MAP3K9: variants seen among roughly 807,000 people sequenced by gnomAD.
MAP3K9 encodes the protein mitogen-activated protein kinase kinase kinase 9.
MAP3K9 carries 46 observed loss-of-function variants against 95.8 expected under a neutral mutation model. That is an observed-to-expected ratio of 0.48 (90% CI 0.38 to 0.61). MAP3K9 has a LOEUF of 0.61. Ranked by LOEUF, MAP3K9 falls within the 20% of genes least tolerant of loss-of-function variation. The pLI, the probability that MAP3K9 is intolerant of heterozygous loss-of-function variation, is 0.00. For synonymous variants in MAP3K9, 533 were observed against 593.8 expected, an observed-to-expected ratio of 0.90 and a Z score of 1.49; for missense variants, 1,296 against 1,474.3, an observed-to-expected ratio of 0.88 and a Z score of 1.98.
intron 1 of MAP3K9, among the ~76,000 whole-genome samples, chr14:70,806,212 G>C (rs1443655751): frequency 6.6e-6 from 1 of 152,144 alleles, no homozygotes. Flanking sequence ...AGAGCACATA[G>C]ACTTCAATGA....
chr14:70,753,518 A>T (rs2054258375), intron 3 of MAP3K9, among the ~76,000 whole-genome samples: 1 of 152,202 alleles, frequency 6.6e-6, no homozygotes, highest in Non-Finnish European at 1.5e-5. Flanking sequence ...AGCTCAGGGA[A>T]AGGCGGGCAG....
chr14:70,748,414 T>C (rs1022170829), intron 5 of MAP3K9, among the ~76,000 whole-genome samples: 2 of 152,198 alleles, frequency 1.3e-5, no homozygotes, highest in Admixed American at 6.5e-5. Context: ...TTCAGACCCA[T>C]GTTATTTTTT....
chr14:70,809,087 C>G lies in MAP3K9; in HGVS notation c.85G>C (p.Ala29Pro). The G allele has an allele frequency of 7.0e-7, 1 of 1,426,536 alleles. No individual in the cohort carries two copies. The highest frequency in any genetic ancestry group is 2.8e-5 in the East Asian group (1 of 35,336). The allele number at this position is 1,426,536 out of a possible 1,614,324, so 88.4% of individuals were successfully genotyped here. A position where few individuals can be genotyped will look rare whatever the true frequency, so the allele number is the denominator to read the frequency against. Residue 29 changes from alanine to proline, a missense_variant, in exon 1 of 12, where the codon GCC becomes CCC. Ala to Pro is a conservative substitution (Grantham distance 27). Coordinates refer to ENST00000554752, the MANE Select transcript of MAP3K9 (RefSeq NM_001284230.2). ...TCCTCCTCCTCCTCCTCCTCCTCGG[C>G]CCCGGCCCCTGCTCCATCCTCCCCC... ...PPGEDGAGAG[A>P]EEEEEEEEEA...
At chr14:70,766,566 A>G (rs1297191350) in intron 2 of MAP3K9, among the ~76,000 whole-genome samples, 2 of 152,210 alleles carry the variant, frequency 1.3e-5, no homozygotes, top group African/African-American at 4.8e-5. Context: ...GTCACTTACT[A>G]CGTAGCAGCA....
intron 3 of MAP3K9, among the ~76,000 whole-genome samples, chr14:70,754,748 G>C (rs1177751571): frequency 6.6e-6 from 1 of 152,098 alleles, no homozygotes; most frequent in Non-Finnish European, 1.5e-5. Context: ...TGAGATTACA[G>C]GTGTAAGCCA....
intron 2 of MAP3K9, 24 bp downstream of exon 2, chr14:70,800,643 C>A: frequency 6.2e-7 from 1 of 1,602,888 alleles, no homozygotes. Flanking sequence ...CTGAGCCCCT[C>A]CAGCCCCATC....
rs1375323483 is a variant in MAP3K9 at position 70,725,841 on chromosome 14, C to A, written c.*4539G>T. ...ACCGTACGTATATTTCACACACACA[C>A]ACACACACACTTTTCTGCACCAAGG... is the stretch of plus-strand genomic sequence containing the variant. On this transcript the variant is annotated 3_prime_UTR_variant, in exon 12 of 12. Transcript: ENST00000554752. 6.6e-6 allele frequency: 1 copy of A among 152,080 alleles called. No homozygotes were observed. Among genetic ancestry groups the A allele is most frequent in the Non-Finnish European group, 1.5e-5 (1 of 68,066 alleles). The allele number at this position is 152,080 out of a possible 1,614,324, so 9.4% of individuals were successfully genotyped here. A position where few individuals can be genotyped will look rare whatever the true frequency, so the allele number is the denominator to read the frequency against.
chr14:70,745,662 C>G (rs971551487), intron 5 of MAP3K9, among the ~76,000 whole-genome samples: 1 of 151,558 alleles, frequency 6.6e-6, no homozygotes, highest in Non-Finnish European at 1.5e-5. Flanking sequence ...TGCTTGAACC[C>G]GGGAGGTGGA....
At chr14:70,734,094 G>A (rs2053951116) in intron 10 of MAP3K9, among the ~76,000 whole-genome samples, 4 of 152,246 alleles carry the variant, frequency 2.6e-5, no homozygotes. Flanking sequence ...CCAGCTTGCA[G>A]ACGGCCTGTC....
At chr14:70,794,099 G>C (rs2054835791) in intron 2 of MAP3K9, among the ~76,000 whole-genome samples, 1 of 152,218 alleles carries the variant, frequency 6.6e-6, no homozygotes, top group African/African-American at 2.4e-5. Flanking sequence ...GGAAGGGTTG[G>C]ACAGGCAGAG....
In MAP3K9 at chr14:70,750,074, C is replaced by G. The variant is rs754875078; in HGVS notation, c.1009G>C (p.Val337Leu). 1 of 1,614,036 alleles carries G rather than the reference C, an allele frequency of 6.2e-7. No homozygotes were observed. The highest frequency in any genetic ancestry group is 1.3e-5 in the African/African-American group (1 of 74,910). ...CCAGTCAGCAACTCCCAAAGTAGCA[C>G]CCCATAGCTAAGGAGAGGAAGAAGA... ...SKGSDVWSYG[V>L]LLWELLTGEV... Residue 337 changes from valine to leucine, a missense_variant, in exon 4 of 12, where the codon GTG becomes CTG. Val to Leu is a conservative substitution (Grantham distance 32). Around this residue, in one of 5 missense-constraint regions of MAP3K9, gnomAD observed 136 missense variants for 221.5 expected, o/e 0.61. Transcript: ENST00000554752.
intron 3 of MAP3K9, among the ~76,000 whole-genome samples, chr14:70,757,161 A>C (rs939580137): frequency 1.3e-5 from 2 of 152,178 alleles, no homozygotes; most frequent in Non-Finnish European, 2.9e-5. Flanking sequence ...CATGATCATG[A>C]ATTGGAAGAC....
chr14:70,809,106 C>G lies in MAP3K9; in HGVS notation c.66G>C (p.Glu22Asp). Residue 22 changes from glutamate to aspartate, a missense_variant, in exon 1 of 12, where the codon GAG becomes GAC. Glu to Asp is a conservative substitution (Grantham distance 45, BLOSUM62 2). Transcript: ENST00000554752. ...CCTCGGCCCCGGCCCCTGCTCCATCCTCCCCCGGCGGGGCGGCAGCGGCGG... is the reference window on the plus strand; with the variant it reads ...CCTCGGCCCCGGCCCCTGCTCCATCGTCCCCCGGCGGGGCGGCAGCGGCGG... ...ASAAAAAPPGEDGAGAGAEEE... is the reference protein window; with the variant it reads ...ASAAAAAPPGDDGAGAGAEEE... The G allele has an allele frequency of 1.4e-6, 2 of 1,387,044 alleles. No individual in the cohort carries two copies. Among genetic ancestry groups the G allele is most frequent in the Non-Finnish European group, 1.9e-6 (2 of 1,079,640 alleles). 85.9% of individuals were successfully genotyped at this position (1,387,044 alleles called of 1,614,324 possible).
intron 3 of MAP3K9, among the ~76,000 whole-genome samples, chr14:70,756,813 T>A (rs959349693): frequency 7.9e-5 from 12 of 152,228 alleles, no homozygotes; most frequent in Admixed American, 6.5e-5. Flanking sequence ...AAAGAGAATA[T>A]GCTTCTATCC....
Position 70,748,818 on chromosome 14 carries a change from GT to G in MAP3K9, c.1326+10del. On this transcript the variant is annotated intron_variant, in intron 5 of 11. Transcript: ENST00000554752. ...CGTTCGTTTTTTTGTTGTTTTTTTT[GT>G]TTTGTTTACCTTTTCTTTGGCCCTG... The G allele has an allele frequency of 2.5e-6, 4 of 1,572,932 alleles. No homozygotes were observed. The highest frequency in any genetic ancestry group is 3.4e-6 in the Non-Finnish European group (4 of 1,163,684).
intron 5 of MAP3K9, among the ~76,000 whole-genome samples, chr14:70,743,286 C>G (rs1371592561): frequency 6.6e-6 from 1 of 152,084 alleles, no homozygotes; most frequent in Admixed American, 6.5e-5. Flanking sequence ...CTGCGACAAG[C>G]CAAATTTTTT....
chr14:70,789,911 C>T (rs1039916508), intron 2 of MAP3K9, among the ~76,000 whole-genome samples: 1 of 152,138 alleles, frequency 6.6e-6, no homozygotes, highest in African/African-American at 2.4e-5. Context: ...CAATTAAAGT[C>T]GCCTAAGTGA....
rs2053783918 is a variant in MAP3K9 at position 70,723,795 on chromosome 14, T to C, written c.*6585A>G. On this transcript the variant is annotated 3_prime_UTR_variant, in exon 12 of 12. Transcript: ENST00000554752. Reference sequence around the variant, plus strand: ...GCACCGCCCCCCACGTGGAAAAAAATTAATGATTTCTTATCATGTATTATT... The same window carrying C: ...GCACCGCCCCCCACGTGGAAAAAAACTAATGATTTCTTATCATGTATTATT... 6.6e-6 allele frequency: 1 copy of C among 152,120 alleles called. No individual in the cohort carries two copies. Among genetic ancestry groups the C allele is most frequent in the African/African-American group, 2.4e-5 (1 of 41,424 alleles). The allele number at this position is 152,120 out of a possible 1,614,324, so 9.4% of individuals were successfully genotyped here. A position where few individuals can be genotyped will look rare whatever the true frequency, so the allele number is the denominator to read the frequency against.
At chr14:70,753,413 A>C (rs142200590) in intron 3 of MAP3K9, among the ~76,000 whole-genome samples, 1 of 152,324 alleles carries the variant, frequency 6.6e-6, no homozygotes, top group Non-Finnish European at 1.5e-5. Context: ...TATGTTTACA[A>C]TGGAAGGTGG....
Sources: allele counts gnomAD v4.1 joint callset (sites outside exome capture counted in the v4.1 genomes callset), GRCh38; gene constraint gnomAD v4.1.1; regional missense constraint gnomAD v4.1.1; transcripts MANE v1.5; gene names NCBI Gene and HGNC (gene_info 2026-07-23, HGNC 2026-07-21).